Variants in EIF5B observed in about 807,000 individuals in gnomAD.
EIF5B encodes eIF-5B.
Under a neutral mutation model 147.5 loss-of-function variants are expected in EIF5B, and 47 were observed. That is an observed-to-expected ratio of 0.32 (90% CI 0.25 to 0.41). The LOEUF is 0.41. Among genes scored for constraint, EIF5B ranks in the 10% least tolerant of loss-of-function variants. The probability of loss-of-function intolerance (pLI) is 1.00; values close to 1 mark genes in which losing one functional copy is unlikely to be tolerated. For synonymous variants in EIF5B, 455 were observed against 456.2 expected, an observed-to-expected ratio of 1.00 and a Z score of 0.03; for missense variants, 1,064 against 1,413.2, an observed-to-expected ratio of 0.75 and a Z score of 3.96.
In EIF5B at chr2:99,361,264, A is replaced by C. The variant is rs112337722; in HGVS notation, c.363A>C (p.Ser121=). The C allele has an allele frequency of 1.5e-5, 25 of 1,613,094 alleles. No homozygotes were observed. The African/African-American group carries it at 1.9e-4, about 12-fold the overall frequency. The change falls in exon 4 of 24, where the codon TCA becomes TCC. Residue 121 remains serine, a synonymous_variant. Transcript: ENST00000289371. The stretch of plus-strand genomic sequence containing the variant: ...GCGAAGAATTGGAAGATAAAGATTC[A>C]AAATCAAAAAAGACTGCAAAACCGA... The part of the protein sequence containing the change: ...NDSEELEDKD[S]KSKKTAKPKV...
rs778147024 is a variant in EIF5B at position 99,368,585 on chromosome 2, AAAG to A, written c.1385_1387del (p.Glu462del). The A allele has an allele frequency of 1.2e-6, 2 of 1,611,754 alleles. No homozygotes were observed. Among genetic ancestry groups the A allele is most frequent in the African/African-American group, 1.3e-5 (1 of 74,928 alleles). On this transcript the variant is annotated inframe_deletion, in exon 7 of 24. Coordinates refer to ENST00000289371, the MANE Select transcript of EIF5B (RefSeq NM_015904.4). Reference sequence around the variant, plus strand: ...AAAAATACCACAGCAGCTAGAAAGTAAAGAAGGTTTGTATACAAAATAGCCTCT... The same window carrying A: ...AAAAATACCACAGCAGCTAGAAAGTAAAGGTTTGTATACAAAATAGCCTCT...
intron 1 of EIF5B, among the ~76,000 whole-genome samples, chr2:99,356,695 C>G (rs1026977416): frequency 6.6e-6 from 1 of 152,066 alleles, no homozygotes; most frequent in Non-Finnish European, 1.5e-5. Context: ...TTCCTTACTT[C>G]CTACCATTAC....
At chr2:99,382,651 C>A in intron 13 of EIF5B, 129 bp from the exon 14 acceptor site, 1 of 919,698 alleles carries the variant, frequency 1.1e-6, no homozygotes, top group African/African-American at 1.7e-5. Context: ...AAGTTAAGGG[C>A]TAATAGTACT....
chr2:99,383,863 AC>A (rs1674742292), intron 14 of EIF5B, among the ~76,000 whole-genome samples: 3 of 151,690 alleles, frequency 2.0e-5, no homozygotes, highest in Non-Finnish European at 4.4e-5. Context: ...GGTCAGGCTG[AC>A]TCTCTAGTTA....
chr2:99,351,792 G>T lies in EIF5B; in HGVS notation c.36-8444G>T, dbSNP rs192174776. On this transcript the variant is annotated intron_variant, in intron 1 of 23. Coordinates refer to ENST00000289371, the MANE Select transcript of EIF5B (RefSeq NM_015904.4). Reference sequence around the variant, plus strand: ...GGCTCACTGCAACCTTTGTTTCCCAGGTTCAAGCAATTCTCTTGCCTCAGC... The same window carrying T: ...GGCTCACTGCAACCTTTGTTTCCCATGTTCAAGCAATTCTCTTGCCTCAGC... Among the ~76,000 whole-genome samples the T allele has an allele frequency of 2.3e-3, 346 of 152,154 alleles. 4 individuals carry two copies. Among genetic ancestry groups the T allele is most frequent in the African/African-American group, 8.1e-3 (337 of 41,514 alleles).
At chr2:99,364,210 A>G in intron 5 of EIF5B, 61 bp from the exon 6 acceptor site, 1 of 1,511,792 alleles carries the variant, frequency 6.6e-7, no homozygotes, top group Non-Finnish European at 8.8e-7. Flanking sequence ...GATTGTTTAC[A>G]TTTGAATTTT....
intron 8 of EIF5B, 110 bp downstream of exon 8, chr2:99,369,591 C>G (rs1674400676): frequency 6.4e-6 from 5 of 776,656 alleles, no homozygotes; most frequent in Non-Finnish European, 5.9e-6. Context: ...AAATAAGTAT[C>G]TGGCTGGATG....
At chr2:99,350,106 C>A (rs149156703) in intron 1 of EIF5B, among the ~76,000 whole-genome samples, 1 of 152,148 alleles carries the variant, frequency 6.6e-6, no homozygotes, top group East Asian at 1.9e-4. Context: ...TATGTGTTGT[C>A]ACAAAATGAC....
At chr2:99,351,045 G>A (rs573865915) in intron 1 of EIF5B, among the ~76,000 whole-genome samples, 1 of 152,268 alleles carries the variant, frequency 6.6e-6, no homozygotes, top group Admixed American at 6.5e-5. Flanking sequence ...TGGATAAAAG[G>A]GCCAGGCATG....
rs1197638498 is a variant in EIF5B, at chr2:99,361,241, G to A, written c.340G>A (p.Glu114Lys). The change falls in exon 4 of 24, where the codon GAA becomes AAA. Residue 114 changes from glutamate to lysine, a missense_variant. By Grantham distance (56) the Glu-to-Lys change is moderately conservative. This residue lies in a region of EIF5B where 458 missense variants were observed against 451.3 expected (regional missense o/e 1.01). Coordinates refer to ENST00000289371, the MANE Select transcript of EIF5B (RefSeq NM_015904.4). Reference sequence around the variant, plus strand: ...ACAGAGTTTTGATGATAATGATAGCGAAGAATTGGAAGATAAAGATTCAAA... The same window carrying A: ...ACAGAGTTTTGATGATAATGATAGCAAAGAATTGGAAGATAAAGATTCAAA... ...KKQSFDDNDS[E>K]ELEDKDSKSK... 21 of 1,611,722 alleles carry A rather than the reference G, an allele frequency of 1.3e-5. No homozygotes were observed. Among genetic ancestry groups the A allele is most frequent in the East Asian group, 2.2e-5 (1 of 44,752 alleles).
intron 12 of EIF5B, among the ~76,000 whole-genome samples, chr2:99,380,708 C>T (rs1437654393): frequency 6.6e-6 from 1 of 152,142 alleles, no homozygotes; most frequent in Non-Finnish European, 1.5e-5. Context: ...CCCTTTTATT[C>T]CTTATTGAGT....
At chr2:99,363,348 C>A (rs994188165) in intron 4 of EIF5B, among the ~76,000 whole-genome samples, 1 of 152,152 alleles carries the variant, frequency 6.6e-6, no homozygotes, top group East Asian at 1.9e-4. Context: ...TTTAGAGATA[C>A]ATTAGGTACA....
chr2:99,370,893 G>A (rs2104201008), intron 8 of EIF5B, among the ~76,000 whole-genome samples: 1 of 152,224 alleles, frequency 6.6e-6, no homozygotes, highest in South Asian at 2.1e-4. Context: ...TGGTAGTTTT[G>A]TACCTTCAAC....
intron 1 of EIF5B, among the ~76,000 whole-genome samples, chr2:99,359,728 T>G (rs1435768047): frequency 1.3e-5 from 2 of 152,216 alleles, no homozygotes; most frequent in Non-Finnish European, 2.9e-5. Context: ...CTCAGGACAT[T>G]CAATCCTTGT....
chr2:99,362,524 C>A (rs1674239920), intron 4 of EIF5B, among the ~76,000 whole-genome samples: 1 of 151,984 alleles, frequency 6.6e-6, no homozygotes, highest in Admixed American at 6.6e-5. Flanking sequence ...CATGGTGAAA[C>A]CCCATCTCTA....
intron 11 of EIF5B, 62 bp downstream of exon 11, chr2:99,379,188 A>C: frequency 6.8e-7 from 1 of 1,478,274 alleles, no homozygotes; most frequent in African/African-American, 1.4e-5. Context: ...CCTTATAAAA[A>C]AAAACTTTAG....
Position 99,364,526 on chromosome 2 carries a change from A to G in EIF5B, c.1288+105A>G, listed in dbSNP as rs984942542. On this transcript the variant is annotated intron_variant, in intron 6 of 23. Coordinates refer to ENST00000289371, the MANE Select transcript of EIF5B (RefSeq NM_015904.4). ...TGGAATTTGCATCAGGACAGTTCCT[A>G]TGAAAAATCTGTGAAAAAGTTCAGT... 5.0e-5 allele frequency: 57 copies of G among 1,136,356 alleles called. 1 individual carries two copies. The South Asian group carries it at 1.0e-3, about 21-fold the overall frequency. The allele number at this position is 1,136,356 out of a possible 1,614,324, so 70.4% of individuals were successfully genotyped here.
chr2:99,349,680 A>T (rs1010033316), intron 1 of EIF5B, among the ~76,000 whole-genome samples: 1 of 152,206 alleles, frequency 6.6e-6, no homozygotes, highest in African/African-American at 2.4e-5. Flanking sequence ...TTTGTTCTTG[A>T]CACATAATAA....
intron 1 of EIF5B, among the ~76,000 whole-genome samples, chr2:99,359,995 A>AT (rs1427905122): frequency 6.6e-6 from 1 of 152,090 alleles, no homozygotes; most frequent in Non-Finnish European, 1.5e-5. Flanking sequence ...GATTACCCTG[A>AT]TTTTTTTCTG....
Sources: allele counts gnomAD v4.1 joint callset (sites outside exome capture counted in the v4.1 genomes callset), GRCh38; gene constraint gnomAD v4.1.1; regional missense constraint gnomAD v4.1.1; transcripts MANE v1.5; gene names NCBI Gene and HGNC (gene_info 2026-07-23, HGNC 2026-07-21).